MYH10: variants seen among roughly 807,000 people sequenced by gnomAD.
The protein encoded by MYH10 is myosin heavy chain 10, also known as myosin-10.
In MYH10, 55 loss-of-function variants were observed where a neutral mutation model predicts 257.8. That is an observed-to-expected ratio of 0.21 (90% CI 0.17 to 0.27). The LOEUF (loss-of-function observed/expected upper bound fraction) is 0.27, where lower values mean the gene tolerates loss of function less well. Ranked by LOEUF, MYH10 falls within the 10% of genes least tolerant of loss-of-function variation. The pLI is 1.00. For synonymous variants in MYH10, 854 were observed against 921.7 expected, an observed-to-expected ratio of 0.93 and a Z score of 1.33; for missense variants, 1,631 against 2,500.6, an observed-to-expected ratio of 0.65 and a Z score of 7.42.
At chr17:8,624,343 T>C (rs1449938503) in intron 1 of MYH10, among the ~76,000 whole-genome samples, 1 of 152,180 alleles carries the variant, frequency 6.6e-6, no homozygotes, top group Non-Finnish European at 1.5e-5. Flanking sequence ...CTCATCATGA[T>C]TGCCTGACAG....
chr17:8,618,840 G>A (rs1159616273), intron 2 of MYH10, among the ~76,000 whole-genome samples: 1 of 152,146 alleles, frequency 6.6e-6, no homozygotes, highest in African/African-American at 2.4e-5. Context: ...TCAAGTTCAT[G>A]GTGCTAGATA....
chr17:8,627,678 T>C (rs2085735841), intron 1 of MYH10, among the ~76,000 whole-genome samples: 1 of 152,228 alleles, frequency 6.6e-6, no homozygotes, highest in African/African-American at 2.4e-5. Context: ...ATCTGGATAA[T>C]ACTGGTGTTT....
chr17:8,592,816 G>GAAAAAAAAAAAAAA (rs67151329), intron 3 of MYH10, among the ~76,000 whole-genome samples: 2 of 30,418 alleles, frequency 6.6e-5, no homozygotes, highest in African/African-American at 2.3e-4. Flanking sequence ...AATGAAATCA[G>GAAAAAAAAAAAAAA]AAAAAAAAAA....
At chr17:8,568,464 T>C (rs2083233216) in intron 7 of MYH10, among the ~76,000 whole-genome samples, 1 of 152,022 alleles carries the variant, frequency 6.6e-6, no homozygotes, top group Non-Finnish European at 1.5e-5. Flanking sequence ...GACCATGATG[T>C]TATCTCAATT....
chr17:8,562,292 ACGT>A (rs1290888314), intron 7 of MYH10, among the ~76,000 whole-genome samples: 3 of 152,252 alleles, frequency 2.0e-5, no homozygotes, highest in Non-Finnish European at 4.4e-5. Context: ...ATGGGACCTG[ACGT>A]CACTTGAGTG....
At chr17:8,553,046 C>G (rs1460811780) in intron 8 of MYH10, among the ~76,000 whole-genome samples, 1 of 152,202 alleles carries the variant, frequency 6.6e-6, no homozygotes, top group Non-Finnish European at 1.5e-5. Flanking sequence ...TAAACCTTCC[C>G]TGGGGCCACC....
chr17:8,478,883 C>A (rs894174706), intron 40 of MYH10, among the ~76,000 whole-genome samples: 2 of 152,150 alleles, frequency 1.3e-5, no homozygotes, highest in Non-Finnish European at 2.9e-5. Flanking sequence ...AGGCATGCAC[C>A]ACCACGCTGG....
intron 8 of MYH10, 167 bp downstream of exon 8, chr17:8,553,788 T>C: frequency 1.8e-6 from 1 of 561,434 alleles, no homozygotes. Flanking sequence ...ACAAAACAAC[T>C]TGGAGTTAAT....
At position 8,513,752 on chromosome 17, in the gene MYH10, G is replaced by C. The variant is rs1031167647; in HGVS notation, c.2613+34C>G. 5.6e-6 allele frequency: 9 copies of C among 1,611,640 alleles called. No individual in the cohort carries two copies. The African/African-American group carries it at 1.2e-4, about 22-fold the overall frequency. On this transcript the variant is annotated intron_variant, in intron 22 of 42. Transcript: ENST00000360416. ...TTTTCCTGATCAGACTCTGCTATTT[G>C]AAAGGGATCTGGAAAGAAGTGAGCC...
intron 10 of MYH10, 114 bp downstream of exon 10, chr17:8,548,530 C>G: frequency 6.9e-7 from 1 of 1,442,818 alleles, no homozygotes; most frequent in Non-Finnish European, 9.4e-7. Context: ...CATGTCTTTT[C>G]AGGATTTCAT....
intron 28 of MYH10, 112 bp from the exon 29 acceptor site, chr17:8,501,082 TA>T: frequency 2.6e-6 from 3 of 1,145,840 alleles, no homozygotes; most frequent in Admixed American, 4.6e-5. Flanking sequence ...ATTCCCTTAA[TA>T]AATACTTGAT....
chr17:8,489,013 A>G (rs1597621194), intron 35 of MYH10, among the ~76,000 whole-genome samples: 1 of 152,264 alleles, frequency 6.6e-6, no homozygotes, highest in South Asian at 2.1e-4. Flanking sequence ...TAAACAAGTG[A>G]TCACATGAGA....
chr17:8,580,221 A>C (rs1436531357), intron 4 of MYH10, among the ~76,000 whole-genome samples: 1 of 152,114 alleles, frequency 6.6e-6, no homozygotes, highest in Non-Finnish European at 1.5e-5. Flanking sequence ...GACTAACCAG[A>C]GCACCCACCA....
chr17:8,592,411 C>T (rs2084181322), intron 3 of MYH10, among the ~76,000 whole-genome samples: 1 of 151,784 alleles, frequency 6.6e-6, no homozygotes, highest in Admixed American at 6.6e-5. Flanking sequence ...CTGAAGTAAT[C>T]AGGAAAAAGG....
Position 8,504,116 on chromosome 17 carries a change from A to G in MYH10, c.3599+578T>C, listed in dbSNP as rs2080996289. On this transcript the variant is annotated intron_variant, in intron 28 of 42. Transcript: ENST00000360416. This position sits in a 1 kb window ranked among gnomAD's most constrained non-coding sequence, Gnocchi z 5.6. ...TTCTACCCAGGAGCCTTCTCTGGCCATGTTCACCTATGCTCGTCACTTTTT... is the reference window on the plus strand; with the variant it reads ...TTCTACCCAGGAGCCTTCTCTGGCCGTGTTCACCTATGCTCGTCACTTTTT... Among the ~76,000 whole-genome samples, 1 of 152,138 alleles carries G rather than the reference A, an allele frequency of 6.6e-6. No individual in the cohort carries two copies. The highest frequency in any genetic ancestry group is 2.1e-4 in the South Asian group (1 of 4,826).
At chr17:8,518,557 C>G in intron 21 of MYH10, 74 bp downstream of exon 21, 3 of 1,493,624 alleles carry the variant, frequency 2.0e-6, no homozygotes, top group Non-Finnish European at 2.7e-6. Flanking sequence ...CTCTTGCACC[C>G]CAGGTCAAAA....
chr17:8,509,764 A>C, intron 25 of MYH10, 48 bp downstream of exon 25: 1 of 1,548,810 alleles, frequency 6.5e-7, no homozygotes, highest in African/African-American at 1.4e-5. Flanking sequence ...ATATTATATA[A>C]ATATTTTCTG....
In MYH10 at chr17:8,611,316, AT is replaced by A. The variant is rs564393382; in HGVS notation, c.346-6335del. ...TGCCTGCCCAAAGCAAAACTCTAGA[AT>A]AAGCTTAATGCCAGCCAGAGTCTCA... On this transcript the variant is annotated intron_variant, in intron 2 of 42. Coordinates refer to ENST00000360416, the MANE Select transcript of MYH10 (RefSeq NM_001256012.3). 1.4e-4 allele frequency among the ~76,000 whole-genome samples: 22 copies of A among 152,354 alleles called. No homozygotes were observed. In the East Asian group the frequency reaches 3.5e-3, roughly 24 times the overall value.
chr17:8,589,084 C>CAA lies in MYH10; in HGVS notation c.525_526dup (p.Cys176PhefsTer44). The CAA allele has an allele frequency of 6.2e-7, 1 of 1,613,134 alleles. No homozygotes were observed. Among genetic ancestry groups the CAA allele is most frequent in the Non-Finnish European group, 8.5e-7 (1 of 1,179,600 alleles). ...TGAACATTCAACATTTACTTACGTG[C>CAA]AAAGAATTGACTGGTCCTCACGATC... On this transcript the variant is annotated frameshift_variant, in exon 4 of 43. Transcript: ENST00000360416. LOFTEE classifies it high-confidence loss of function.
Sources: allele counts gnomAD v4.1 joint callset (sites outside exome capture counted in the v4.1 genomes callset), GRCh38; gene constraint gnomAD v4.1.1; non-coding constraint Gnocchi (gnomAD v3.1); transcripts MANE v1.5; gene names NCBI Gene and HGNC (gene_info 2026-07-23, HGNC 2026-07-21).